The following RIMOC1 variants were observed in gnomAD, a reference collection of about 807,000 sequenced individuals.
RIMOC1 encodes RAB7A-interacting MON1-CCZ1 complex subunit 1.
the RIMOC1 span, among the ~76,000 whole-genome samples, chr5:41,912,687 T>G: frequency 1.3e-5 from 2 of 152,176 alleles, no homozygotes; most frequent in African/African-American, 4.8e-5. Context: ...TCACTCACTA[T>G]CACGAGAACA....
At chr5:41,904,573 C>G in the RIMOC1 span, 1 of 1,067,982 alleles carries the variant, frequency 9.4e-7, no homozygotes, top group Middle Eastern at 2.4e-4. Flanking sequence ...CTTTGGGTCC[C>G]AGGCCGCAGG....
chr5:41,904,443 C>G, the RIMOC1 span: 1 of 1,614,028 alleles, frequency 6.2e-7, no homozygotes, highest in South Asian at 1.1e-5. Flanking sequence ...CATACAGCAA[C>G]TTAGCGAAGC....
chr5:41,909,708 A>G, the RIMOC1 span: 1 of 1,424,636 alleles, frequency 7.0e-7, no homozygotes, highest in East Asian at 2.4e-5. Flanking sequence ...TTCAATTTTA[A>G]GTCATTGATA....
chr5:41,918,456 C>T, the RIMOC1 span: 86 of 985,536 alleles, frequency 8.7e-5, no homozygotes, highest in African/African-American at 1.2e-3. Flanking sequence ...TATCCACCCT[C>T]AGCTTTATGG....
At chr5:41,919,973 T>G in the RIMOC1 span, 2 of 152,172 alleles carry the variant, frequency 1.3e-5, no homozygotes, top group Non-Finnish European at 2.9e-5. Context: ...TGAGGCATGA[T>G]TCTAAATGCC....
At chr5:41,918,285 C>G in the RIMOC1 span, 1 of 985,760 alleles carries the variant, frequency 1.0e-6, no homozygotes, top group Non-Finnish European at 1.2e-6. Flanking sequence ...GGTAAAATTT[C>G]AGTAACTGAT....
the RIMOC1 span, among the ~76,000 whole-genome samples, chr5:41,908,912 C>A: frequency 2.0e-5 from 3 of 152,110 alleles, no homozygotes; most frequent in African/African-American, 7.2e-5. Flanking sequence ...TTAGGCCTTT[C>A]GCACGATAAC....
the RIMOC1 span, chr5:41,918,801 T>G: frequency 1.0e-6 from 1 of 962,004 alleles, no homozygotes; most frequent in South Asian, 4.8e-5. Flanking sequence ...AAATTGAGAC[T>G]ATGAAGAGGT....
the RIMOC1 span, chr5:41,917,215 G>A: frequency 3.1e-6 from 5 of 1,613,608 alleles, no homozygotes; most frequent in African/African-American, 4.0e-5. Flanking sequence ...ATGTATCTGT[G>A]TGTGAAGGAC....
the RIMOC1 span, chr5:41,911,247 G>A: frequency 2.7e-6 from 4 of 1,465,676 alleles, no homozygotes; most frequent in Non-Finnish European, 3.7e-6. Flanking sequence ...TGTCTTTGTT[G>A]TACTACTAAG....
the RIMOC1 span, among the ~76,000 whole-genome samples, chr5:41,904,967 C>T: frequency 6.6e-6 from 1 of 152,256 alleles, no homozygotes; most frequent in East Asian, 1.9e-4. Context: ...CTATTCTGCC[C>T]CATACATCAT....
chr5:41,920,133 A>C, the RIMOC1 span: 1 of 152,088 alleles, frequency 6.6e-6, no homozygotes, highest in Admixed American at 6.6e-5. Flanking sequence ...TTCTCTTAAG[A>C]AGTTGGAAAC....
the RIMOC1 span, chr5:41,912,161 C>T: frequency 2.5e-6 from 4 of 1,603,084 alleles, no homozygotes; most frequent in East Asian, 6.7e-5. Context: ...AAGATCTAGA[C>T]ACAGCTAAAT....
chr5:41,913,674 GT>G, the RIMOC1 span, among the ~76,000 whole-genome samples: 1 of 152,116 alleles, frequency 6.6e-6, no homozygotes, highest in East Asian at 1.9e-4. Flanking sequence ...TATTAAATAT[GT>G]TTTAATTCTT....
chr5:41,909,244 G>A, the RIMOC1 span, among the ~76,000 whole-genome samples: 1 of 152,008 alleles, frequency 6.6e-6, no homozygotes, highest in African/African-American at 2.4e-5. Context: ...GAATACTGGG[G>A]GCTTAGTGTT....
At chr5:41,912,035 T>C in the RIMOC1 span, 4 of 1,236,514 alleles carry the variant, frequency 3.2e-6, no homozygotes, top group Non-Finnish European at 4.8e-6. Flanking sequence ...CTGCATATAA[T>C]ACTTTCAATT....
the RIMOC1 span, chr5:41,904,556 T>G: frequency 7.9e-7 from 1 of 1,261,722 alleles, no homozygotes; most frequent in Non-Finnish European, 1.1e-6. Context: ...GGCTGAGGCC[T>G]GTGTTCCTTT....
chr5:41,914,870 A>G, the RIMOC1 span, among the ~76,000 whole-genome samples: 1 of 152,188 alleles, frequency 6.6e-6, no homozygotes, highest in Non-Finnish European at 1.5e-5. Flanking sequence ...ATTACTCCTA[A>G]GTCCTAATTT....
the RIMOC1 span, among the ~76,000 whole-genome samples, chr5:41,916,007 C>T: frequency 2.0e-5 from 3 of 152,252 alleles, no homozygotes; most frequent in African/African-American, 7.2e-5. Context: ...ATATCCAGTG[C>T]CATCATAGTC....
Sources: gnomAD v4.1 joint callset for allele counts (sites outside exome capture counted in the v4.1 genomes callset) on GRCh38, gnomAD v4.1.1 for gene constraint, MANE v1.5 for transcripts, NCBI Gene and HGNC (gene_info 2026-07-23, HGNC 2026-07-21) for gene names.